The following GPC6 variants were observed in gnomAD, a reference collection of about 807,000 sequenced individuals.
GPC6 encodes the protein glypican-6.
In GPC6, 14 loss-of-function variants were observed where a neutral mutation model predicts 55.2. The observed-to-expected ratio is 0.25, with a 90% CI of 0.17 to 0.40. GPC6 has a LOEUF of 0.40. GPC6 is among the 10% of genes least tolerant of loss of function. The probability of loss-of-function intolerance (pLI) is 1.00; values close to 1 mark genes in which losing one functional copy is unlikely to be tolerated. For synonymous variants in GPC6, 278 were observed against 259.6 expected (o/e 1.07, Z -0.68); for missense variants, 641 against 708.5 (o/e 0.90, Z 1.08).
At chr13:93,996,526 C>G (rs1479947253) in intron 3 of GPC6, among the ~76,000 whole-genome samples, 1 of 152,040 alleles carries the variant, frequency 6.6e-6, no homozygotes, top group African/African-American at 2.4e-5. Flanking sequence ...GAATATTTTT[C>G]TTGGTGGTTA....
chr13:93,957,064 G>A (rs1879539935), intron 3 of GPC6, among the ~76,000 whole-genome samples: 1 of 152,056 alleles, frequency 6.6e-6, no homozygotes, highest in Admixed American at 6.5e-5. Flanking sequence ...AAAATGTCTG[G>A]GCCCTCAAGC....
At chr13:94,082,534 G>C (rs759818166) in intron 4 of GPC6, among the ~76,000 whole-genome samples, 5 of 152,014 alleles carry the variant, frequency 3.3e-5, no homozygotes, top group African/African-American at 4.8e-5. Flanking sequence ...CTTAACCAAC[G>C]CTTCAGATAG....
At chr13:94,249,840 G>A (rs1891298056) in intron 4 of GPC6, among the ~76,000 whole-genome samples, 1 of 152,128 alleles carries the variant, frequency 6.6e-6, no homozygotes. Flanking sequence ...CAATGTTAGA[G>A]CACAGATAGG....
At chr13:94,397,023 A>G (rs1170810369) in intron 7 of GPC6, among the ~76,000 whole-genome samples, 1 of 152,166 alleles carries the variant, frequency 6.6e-6, no homozygotes, top group Non-Finnish European at 1.5e-5. Context: ...ATGTGCGTCA[A>G]ATGTTTTACT....
chr13:94,121,179 C>T (rs1258076549), intron 4 of GPC6, among the ~76,000 whole-genome samples: 1 of 152,056 alleles, frequency 6.6e-6, no homozygotes, highest in Non-Finnish European at 1.5e-5. Context: ...AAGCTTACAC[C>T]ACCATGTGCT....
chr13:93,882,404 C>A (rs1204690891), intron 3 of GPC6, among the ~76,000 whole-genome samples: 1 of 152,012 alleles, frequency 6.6e-6, no homozygotes, highest in Non-Finnish European at 1.5e-5. Flanking sequence ...CTCAGGCTCC[C>A]AAAGTGCTGG....
intron 7 of GPC6, among the ~76,000 whole-genome samples, chr13:94,386,291 C>T (rs1227359789): frequency 3.3e-5 from 5 of 150,410 alleles, no homozygotes; most frequent in Admixed American, 6.7e-5. Flanking sequence ...GCCTGGGAGG[C>T]AGAGCTTGCA....
At chr13:94,288,896 CAAATATATATAT>C (rs1566638181) in intron 5 of GPC6, among the ~76,000 whole-genome samples, 16 of 117,784 alleles carry the variant, frequency 1.4e-4, no homozygotes, top group Non-Finnish European at 2.5e-4. Context: ...ATATATATAA[CAAATATATATAT>C]ATTTGTTATA....
chr13:94,232,383 C>T (rs1032618080), intron 4 of GPC6, among the ~76,000 whole-genome samples: 1 of 152,188 alleles, frequency 6.6e-6, no homozygotes, highest in Non-Finnish European at 1.5e-5. Context: ...TTCATGGTCG[C>T]CTGCCACGTC....
At chr13:93,654,941 A>G (rs1037559697) in intron 2 of GPC6, among the ~76,000 whole-genome samples, 2 of 145,042 alleles carry the variant, frequency 1.4e-5, no homozygotes, top group Non-Finnish European at 3.0e-5. Context: ...GGTTCACGCC[A>G]TTCTCCTGCC....
chr13:93,707,742 A>C (rs989666785), intron 2 of GPC6, among the ~76,000 whole-genome samples: 2 of 151,842 alleles, frequency 1.3e-5, no homozygotes. Flanking sequence ...TCATTCTGCG[A>C]TATGTAAGAG....
intron 6 of GPC6, among the ~76,000 whole-genome samples, chr13:94,351,564 C>G (rs1173031664): frequency 3.3e-5 from 5 of 151,976 alleles, no homozygotes; most frequent in Non-Finnish European, 4.4e-5. Context: ...CTCTGAGAAG[C>G]CTACTTCCTT....
chr13:94,032,665 T>G (rs1466513102), intron 4 of GPC6, among the ~76,000 whole-genome samples: 1 of 152,230 alleles, frequency 6.6e-6, no homozygotes, highest in Admixed American at 6.5e-5. Flanking sequence ...TGAGTTATCT[T>G]GATTTAGATG....
intron 2 of GPC6, among the ~76,000 whole-genome samples, chr13:93,818,060 A>G (rs1348043186): frequency 6.8e-6 from 1 of 147,750 alleles, no homozygotes; most frequent in East Asian, 1.9e-4. Context: ...ATAATTTTAT[A>G]TGTTAATATA....
In GPC6 at chr13:93,839,111, G is replaced by A. The variant is rs1459352931; in HGVS notation, c.711+8566G>A. 3.9e-5 allele frequency among the ~76,000 whole-genome samples: 6 copies of A among 152,052 alleles called. No individual in the cohort carries two copies. The South Asian group carries it at 1.0e-3, about 26-fold the overall frequency. ...CTGTGGCAGATAGTTAAGTGGAAAG[G>A]GCAGAGAAAACAGACCTTAGGATGT... On this transcript the variant is annotated intron_variant, in intron 3 of 8. Transcript: ENST00000377047.
intron 4 of GPC6, among the ~76,000 whole-genome samples, chr13:94,062,157 C>T (rs1884353845): frequency 6.6e-6 from 1 of 152,076 alleles, no homozygotes; most frequent in African/African-American, 2.4e-5. Flanking sequence ...GTTTTGTCCA[C>T]TAGGAAACTT....
chr13:94,144,537 G>A, intron 4 of GPC6, among the ~76,000 whole-genome samples: 1 of 39,226 alleles, frequency 2.5e-5, no homozygotes, highest in Middle Eastern at 0.011. Flanking sequence ...TTCTTTGGGA[G>A]TGTGTGTGTA....
chr13:93,409,920 C>T (rs1056643677), intron 1 of GPC6, among the ~76,000 whole-genome samples: 17 of 152,150 alleles, frequency 1.1e-4, no homozygotes, highest in African/African-American at 4.1e-4. Flanking sequence ...ATTTCCAAGA[C>T]CTAGCCTATA....
intron 3 of GPC6, among the ~76,000 whole-genome samples, chr13:93,984,389 T>C (rs1880934654): frequency 6.6e-6 from 1 of 152,162 alleles, no homozygotes; most frequent in African/African-American, 2.4e-5. Flanking sequence ...AATAAAACAG[T>C]AATGCAGAAT....
Sources: gnomAD v4.1 joint callset for allele counts (sites outside exome capture counted in the v4.1 genomes callset) on GRCh38, gnomAD v4.1.1 for gene constraint, MANE v1.5 for transcripts, NCBI Gene and HGNC (gene_info 2026-07-23, HGNC 2026-07-21) for gene names.